The following MYOM2 variants were observed in gnomAD, a reference collection of about 807,000 sequenced individuals.
MYOM2 encodes myomesin-2.
A neutral mutation model predicts 187.6 loss-of-function variants in MYOM2; 254 were observed. The ratio of observed to expected loss-of-function variants is 1.35; its 90% CI spans 1.22 to 1.50. The LOEUF (loss-of-function observed/expected upper bound fraction) is 1.50, where lower values mean the gene tolerates loss of function less well. Among genes scored for constraint, MYOM2 ranks in the 40% most tolerant of loss-of-function variants. The probability of loss-of-function intolerance (pLI) is 0.00; values close to 1 mark genes in which losing one functional copy is unlikely to be tolerated. For synonymous variants in MYOM2, 981 were observed against 753.8 expected (o/e 1.30, Z -4.94); for missense variants, 2,796 against 1,924.0 (o/e 1.45, Z -8.48).
chr8:2,065,320 C>G (rs947297235), intron 6 of MYOM2, among the ~76,000 whole-genome samples: 1 of 152,146 alleles, frequency 6.6e-6, no homozygotes, highest in African/African-American at 2.4e-5. Context: ...CCTGTAATCC[C>G]AGCATGTTGG....
At chr8:2,079,485 G>T in intron 12 of MYOM2, 75 bp from the exon 13 acceptor site, 1 of 1,420,022 alleles carries the variant, frequency 7.0e-7, no homozygotes. Flanking sequence ...TGCAGAGCTG[G>T]CACAGAATGA....
rs570208890 is a variant in MYOM2 at position 2,063,886 on chromosome 8, C to T, written c.653+4641C>T. 3.9e-5 allele frequency among the ~76,000 whole-genome samples: 6 copies of T among 152,356 alleles called. No individual in the cohort carries two copies. In the South Asian group the frequency reaches 1.2e-3, roughly 32 times the overall value. ...AATTGAGACCAGAGAAGACTCTCTC[C>T]ATCTATTCTGGGAACCTGTCAGAAC... On this transcript the variant is annotated intron_variant, in intron 6 of 36. Coordinates refer to ENST00000262113, the MANE Select transcript of MYOM2 (RefSeq NM_003970.4).
intron 32 of MYOM2, among the ~76,000 whole-genome samples, chr8:2,137,617 C>G (rs772049609): frequency 5.3e-5 from 8 of 151,992 alleles, no homozygotes; most frequent in Non-Finnish European, 7.3e-5. Context: ...TCAGTTCCAA[C>G]AAGAGAGGGT....
At chr8:2,121,344 C>G (rs1797448494) in intron 28 of MYOM2, among the ~76,000 whole-genome samples, 1 of 152,074 alleles carries the variant, frequency 6.6e-6, no homozygotes, top group Non-Finnish European at 1.5e-5. Context: ...ACTCCCAAGG[C>G]CAGTGGCGAG....
chr8:2,116,212 T>G lies in MYOM2; in HGVS notation c.3326-4T>G. 1 of 1,601,542 alleles carries G rather than the reference T, an allele frequency of 6.2e-7. No individual in the cohort carries two copies. Among genetic ancestry groups the G allele is most frequent in the Non-Finnish European group, 8.5e-7 (1 of 1,175,456 alleles). Reference sequence around the variant, plus strand: ...ATATATATTTTTTTAAATATTGAATTTAGCATTCAAGACTGTGCTGGAAGA... The same window carrying G: ...ATATATATTTTTTTAAATATTGAATGTAGCATTCAAGACTGTGCTGGAAGA... On this transcript the variant is annotated splice_polypyrimidine_tract_variant and splice_region_variant and intron_variant, in intron 26 of 36. Transcript: ENST00000262113.
At chr8:2,100,101 CTTCCTTCT>C (rs1211889849) in intron 19 of MYOM2, among the ~76,000 whole-genome samples, 9,186 of 91,242 alleles carry the variant, frequency 0.1, 597 homozygotes, top group East Asian at 0.15. Flanking sequence ...TCCTTCCTTC[CTTCCTTCT>C]TTCTTTCCTT....
intron 2 of MYOM2, among the ~76,000 whole-genome samples, 156 bp downstream of exon 2, chr8:2,051,029 G>A (rs966584650): frequency 6.1e-5 from 9 of 147,764 alleles, no homozygotes; most frequent in South Asian, 4.3e-4. Context: ...GTCCTGCCAC[G>A]GAGCAGCACT....
chr8:2,145,117 AT>A lies in MYOM2; in HGVS notation c.*141del. The A allele has an allele frequency of 1.1e-6, 1 of 945,466 alleles. No individual in the cohort carries two copies. Among genetic ancestry groups the A allele is most frequent in the Non-Finnish European group, 1.6e-6 (1 of 635,650 alleles). The allele number at this position is 945,466 out of a possible 1,614,324, so 58.6% of individuals were successfully genotyped here. ...TAGTTGATCACACATTGTGCTTTTG[AT>A]TTTTGCATTTGGTGATGAATATTTT... is the stretch of plus-strand genomic sequence containing the variant. On this transcript the variant is annotated 3_prime_UTR_variant, in exon 37 of 37. Coordinates refer to ENST00000262113, the MANE Select transcript of MYOM2 (RefSeq NM_003970.4).
Position 2,098,998 on chromosome 8 carries a change from C to T in MYOM2, c.2440+15C>T, listed in dbSNP as rs199688076. 1.3e-6 allele frequency: 2 copies of T among 1,592,786 alleles called. No homozygotes were observed. Among genetic ancestry groups the T allele is most frequent in the Non-Finnish European group, 8.6e-7 (1 of 1,165,432 alleles). ...GCCGGAGCCCGGTGAGTCGCTGCCC[C>T]CAGGACACCCGCGTTCCAGCGCACA... On this transcript the variant is annotated intron_variant, in intron 19 of 36. Coordinates refer to ENST00000262113, the MANE Select transcript of MYOM2 (RefSeq NM_003970.4).
Position 2,140,357 on chromosome 8 carries a change from C to G in MYOM2, c.3801-366C>G, listed in dbSNP as rs546165795. On this transcript the variant is annotated intron_variant, in intron 32 of 36. Coordinates refer to ENST00000262113, the MANE Select transcript of MYOM2 (RefSeq NM_003970.4). The stretch of plus-strand genomic sequence containing the variant: ...GAAGGATGTAGGTGTGACAATATCT[C>G]TCCAAGACCCCGTGTCCAATTCTTC... Among the ~76,000 whole-genome samples, 4 of 144,396 alleles carry G rather than the reference C, an allele frequency of 2.8e-5. No homozygotes were observed. In the South Asian group the frequency reaches 6.9e-4, roughly 25 times the overall value. The allele number at this position is 144,396 out of a possible 152,430, so 94.7% of individuals were successfully genotyped here.
chr8:2,143,484 G>C (rs1798350984), intron 36 of MYOM2, 28 bp downstream of exon 36: 2 of 1,613,864 alleles, frequency 1.2e-6, no homozygotes, highest in African/African-American at 2.7e-5. Context: ...GGCCGGGGTG[G>C]GGGTGTCAGC....
rs1796689943 is a variant in MYOM2 at position 2,100,986 on chromosome 8, T to C, written c.2551T>C (p.Phe851Leu). Reference protein sequence around the residue: ...SSPVSGYFVDFREEDAGEWIT... With the variant: ...SSPVSGYFVDLREEDAGEWIT... ...CCCTGTTTCTGGATATTTCGTGGAC[T>C]TCAGGGAGGAGGATGCTGGAGAGTG... Residue 851 changes from phenylalanine to leucine, a missense_variant, in exon 20 of 37, where the codon TTC (phenylalanine) becomes CTC (leucine). By Grantham distance (22) the Phe-to-Leu change is conservative. Coordinates refer to ENST00000262113, the MANE Select transcript of MYOM2 (RefSeq NM_003970.4). 5.6e-6 allele frequency: 9 copies of C among 1,614,154 alleles called. No homozygotes were observed. Among genetic ancestry groups the C allele is most frequent in the Non-Finnish European group, 7.6e-6 (9 of 1,180,022 alleles).
intron 21 of MYOM2, among the ~76,000 whole-genome samples, chr8:2,103,887 GAT>G (rs1235538587): frequency 6.6e-6 from 1 of 152,120 alleles, no homozygotes; most frequent in Non-Finnish European, 1.5e-5. Context: ...ATGAGTGGGA[GAT>G]AGTGCATGTG....
Position 2,096,393 on chromosome 8 carries a change from C to T in MYOM2, c.2272C>T (p.His758Tyr), listed in dbSNP as rs544848298. 1 of 1,614,230 alleles carries T rather than the reference C, an allele frequency of 6.2e-7. No homozygotes were observed. The highest frequency in any genetic ancestry group is 8.5e-7 in the Non-Finnish European group (1 of 1,180,048). The change falls in exon 18 of 37, where the codon CAC (histidine) becomes TAC (tyrosine). Residue 758 changes from histidine to tyrosine, a missense_variant. Physicochemically the swap from His to Tyr is moderately conservative, Grantham distance 83. Transcript: ENST00000262113. ...DKREVHHKNW[H>Y]EVNSSPSKPT... ...GCGTGAAGTTCACCATAAAAACTGG[C>T]ACGAGGTCAATTCCTCACCCAGCAA... is the stretch of plus-strand genomic sequence containing the variant.
intron 9 of MYOM2, 143 bp downstream of exon 9, chr8:2,072,652 G>T: frequency 9.2e-7 from 1 of 1,084,998 alleles, no homozygotes; most frequent in Non-Finnish European, 1.3e-6. Flanking sequence ...GACTGTAGAG[G>T]ACTTGGTGGC....
intron 23 of MYOM2, 86 bp from the exon 24 acceptor site, chr8:2,108,700 T>C: frequency 7.7e-7 from 1 of 1,302,086 alleles, no homozygotes; most frequent in Non-Finnish European, 1.1e-6. Flanking sequence ...GGGTTTCCAA[T>C]CTTGCTCGTG....
chr8:2,108,953 G>T, intron 24 of MYOM2, 123 bp downstream of exon 24: 1 of 949,750 alleles, frequency 1.1e-6, no homozygotes. Context: ...CCTGATCCCA[G>T]CTTACAGGAT....
intron 17 of MYOM2, 40 bp downstream of exon 17, chr8:2,094,131 T>A: frequency 6.2e-7 from 1 of 1,608,390 alleles, no homozygotes; most frequent in Non-Finnish European, 8.5e-7. Flanking sequence ...ATTGCTCCCA[T>A]ACACTGTCAT....
At chr8:2,083,919 T>C (rs1372799301) in intron 13 of MYOM2, among the ~76,000 whole-genome samples, 1 of 152,248 alleles carries the variant, frequency 6.6e-6, no homozygotes, top group Non-Finnish European at 1.5e-5. Context: ...TTTTGCTACA[T>C]GCAGGGGCAA....
Sources: allele counts gnomAD v4.1 joint callset (sites outside exome capture counted in the v4.1 genomes callset), GRCh38; gene constraint gnomAD v4.1.1; transcripts MANE v1.5; gene names NCBI Gene and HGNC (gene_info 2026-07-23, HGNC 2026-07-21).